The following UPRT variants were observed in gnomAD, a reference collection of about 807,000 sequenced individuals.
UPRT encodes uracil phosphoribosyltransferase homolog, also known as RP11-311P8.3.
In UPRT, 5 loss-of-function variants were observed where a neutral mutation model predicts 22.6. The observed-to-expected ratio is 0.22, with a 90% CI of 0.12 to 0.47. The LOEUF (loss-of-function observed/expected upper bound fraction) is 0.47, where lower values mean the gene tolerates loss of function less well. Among genes scored for constraint, UPRT ranks in the 20% least tolerant of loss-of-function variants. UPRT has a pLI of 0.99. For missense variants in UPRT, 181 were observed against 239.9 expected, an observed-to-expected ratio of 0.75 and a Z score of 1.62; for synonymous variants, 77 against 87.7, an observed-to-expected ratio of 0.88 and a Z score of 0.68.
intron 6 of UPRT, 131 bp downstream of exon 6, chrX:75,301,096 T>A: frequency 2.3e-6 from 1 of 429,374 alleles, no homozygotes; most frequent in Middle Eastern, 4.1e-4. Context: ...ATTTGGGTAA[T>A]TATAACTTGT....
chrX:75,282,203 A>G (rs1363627397), intron 1 of UPRT, among the ~76,000 whole-genome samples: 1 of 99,752 alleles, frequency 1.0e-5, no homozygotes, highest in Non-Finnish European at 2.0e-5. Flanking sequence ...TTATCTTTTC[A>G]AAGAACCAGC....
chrX:75,243,672 T>C lies in UPRT; in HGVS notation c.-446-47352T>C, dbSNP rs747101378. Among the ~76,000 whole-genome samples the C allele has an allele frequency of 4.5e-5, 5 of 111,656 alleles. No individual in the cohort carries two copies. In the South Asian group the frequency reaches 1.9e-3, roughly 41 times the overall value. ...TAGGTAAATGTATGCATAAATGTTT[T>C]CTATGAAAGTGAAAACACAAGGCAC... On this transcript the variant is annotated intron_variant, in intron 4 of 13. Coordinates refer to the UPRT transcript ENST00000652605.
chrX:75,276,451 T>C lies in UPRT; in HGVS notation c.386+1811T>C, dbSNP rs142805851. On this transcript the variant is annotated intron_variant, in intron 1 of 6. Transcript: ENST00000373383. ...AATCAATATTGAAAACTACTGTGGT[T>C]ATGTTATCTAATAGACAAAATAGTG... Among the ~76,000 whole-genome samples, 71 of 111,883 alleles carry C rather than the reference T, an allele frequency of 6.3e-4. No individual in the cohort carries two copies. The East Asian group carries it at 0.018, about 29-fold the overall frequency.
intron 4 of UPRT, among the ~76,000 whole-genome samples, chrX:75,227,128 G>A (rs2082425834): frequency 9.0e-6 from 1 of 111,338 alleles, no homozygotes; most frequent in Non-Finnish European, 1.9e-5. Flanking sequence ...TATTTGATAT[G>A]TAAATCACTT....
intron 4 of UPRT, among the ~76,000 whole-genome samples, chrX:75,219,274 A>G (rs1602458435): frequency 8.9e-6 from 1 of 112,158 alleles, no homozygotes; most frequent in Non-Finnish European, 1.9e-5. Flanking sequence ...TTGAAAGGCA[A>G]GGCTTCATGC....
chrX:75,220,024 C>T (rs1441564207), intron 4 of UPRT, among the ~76,000 whole-genome samples: 1 of 110,690 alleles, frequency 9.0e-6, no homozygotes, highest in Non-Finnish European at 1.9e-5. Context: ...AAGACTCTAA[C>T]GATCATTGTT....
intron 4 of UPRT, among the ~76,000 whole-genome samples, chrX:75,267,906 A>G (rs2082595578): frequency 9.0e-6 from 1 of 111,543 alleles, no homozygotes; most frequent in South Asian, 3.8e-4. Context: ...GAAATAACTA[A>G]GATCAGAGCA....
chrX:75,282,268 G>C (rs769062012), intron 1 of UPRT, among the ~76,000 whole-genome samples: 9 of 108,449 alleles, frequency 8.3e-5, no homozygotes, highest in African/African-American at 3.0e-4. Flanking sequence ...ACTTAGTTCT[G>C]CTCTGATCTT....
At chrX:75,164,301 G>A (rs1229268660) in intron 3 of UPRT, among the ~76,000 whole-genome samples, 1 of 111,828 alleles carries the variant, frequency 8.9e-6, no homozygotes, top group Admixed American at 9.5e-5. Context: ...CAGAAAGAAG[G>A]CCCTTGTCAG....
chrX:75,252,545 G>C (rs1407009171), intron 4 of UPRT, among the ~76,000 whole-genome samples: 1 of 112,157 alleles, frequency 8.9e-6, no homozygotes, highest in Admixed American at 9.4e-5. Flanking sequence ...AGAAAGAACA[G>C]GTGCTGGAGA....
chrX:75,226,668 C>T (rs2082424658), intron 4 of UPRT, among the ~76,000 whole-genome samples: 1 of 110,747 alleles, frequency 9.0e-6, no homozygotes, highest in Non-Finnish European at 1.9e-5. Flanking sequence ...TTCAGTGGGG[C>T]CTATTCTGAC....
At chrX:75,234,984 C>T (rs1427475352) in intron 4 of UPRT, among the ~76,000 whole-genome samples, 3 of 111,349 alleles carry the variant, frequency 2.7e-5, no homozygotes, top group African/African-American at 6.5e-5. Context: ...TTCAAAAAAT[C>T]AATGAATCCA....
In UPRT at chrX:75,172,544, G is replaced by A. The variant is rs143237027; in HGVS notation, c.-447+4665G>A. On this transcript the variant is annotated intron_variant, in intron 4 of 13. Coordinates refer to the UPRT transcript ENST00000652605. ...GAAAGCAAGCAGTGCTTTTGTGTCCGGAATTGGTGGGTTCTTGGTCTCACT... is the reference window on the plus strand; with the variant it reads ...GAAAGCAAGCAGTGCTTTTGTGTCCAGAATTGGTGGGTTCTTGGTCTCACT... Among the ~76,000 whole-genome samples, 234 of 112,079 alleles carry A rather than the reference G, an allele frequency of 2.1e-3. 1 individual carries two copies. Among genetic ancestry groups the A allele is most frequent in the African/African-American group, 7.1e-3 (220 of 30,817 alleles).
In UPRT at chrX:75,249,946, C is replaced by G. The variant is rs983059745; in HGVS notation, c.-446-41078C>G. On this transcript the variant is annotated intron_variant, in intron 4 of 13. Coordinates refer to the UPRT transcript ENST00000652605. ...CAACTACATGGAAACTGAACAACCT[C>G]CTCCTGAATGACTACTGGGTACATA... is the stretch of plus-strand genomic sequence containing the variant. Among the ~76,000 whole-genome samples the G allele has an allele frequency of 4.5e-5, 5 of 111,702 alleles. No individual in the cohort carries two copies. The East Asian group carries it at 8.4e-4, about 19-fold the overall frequency.
intron 4 of UPRT, among the ~76,000 whole-genome samples, chrX:75,177,785 C>A (rs187601855): frequency 1.1e-3 from 121 of 112,068 alleles, no homozygotes; most frequent in Non-Finnish European, 1.7e-3. Flanking sequence ...AAAATTATGT[C>A]TTTCCGATTG....
chrX:75,236,163 C>G (rs1352316870), intron 4 of UPRT, among the ~76,000 whole-genome samples: 1 of 111,237 alleles, frequency 9.0e-6, no homozygotes, highest in African/African-American at 3.3e-5. Context: ...AGCAGAGAAA[C>G]AGAGAGCCAA....
In UPRT at chrX:75,182,304, G is replaced by A. The variant is rs775583894; in HGVS notation, c.-447+14425G>A. Among the ~76,000 whole-genome samples, 8 of 111,856 alleles carry A rather than the reference G, an allele frequency of 7.2e-5. No individual in the cohort carries two copies. In the South Asian group the frequency reaches 3.0e-3, roughly 42 times the overall value. ...TCATTTATATTCATCAGGAATATTG[G>A]TCTGAAGTTTTCTTTTATTTGGTGT... On this transcript the variant is annotated intron_variant, in intron 4 of 13. Coordinates refer to the UPRT transcript ENST00000652605.
In UPRT at chrX:75,304,377, G is replaced by T. The variant is rs764279485; in HGVS notation, c.*866G>T. 4 of 111,198 alleles carry T rather than the reference G, an allele frequency of 3.6e-5. No individual in the cohort carries two copies. The highest frequency in any genetic ancestry group is 7.5e-5 in the Non-Finnish European group (4 of 53,073). The allele number at this position is 111,198 out of a possible 1,213,427, so 9.2% of individuals were successfully genotyped here. ...TTTTAATTTGGATGTTTCTGCTAGA[G>T]ACCTTTGATTTGGAAATTAGTTATT... On this transcript the variant is annotated 3_prime_UTR_variant, in exon 7 of 7. Transcript: ENST00000373383.
intron 4 of UPRT, among the ~76,000 whole-genome samples, chrX:75,203,397 AAATTAAC>A (rs1424343010): frequency 2.7e-5 from 3 of 110,009 alleles, no homozygotes; most frequent in Non-Finnish European, 3.8e-5. Context: ...ATGAGACAGA[AAATTAAC>A]AAGGATATTC....
Sources: gnomAD v4.1 joint callset for allele counts (sites outside exome capture counted in the v4.1 genomes callset) on GRCh38, gnomAD v4.1.1 for gene constraint, MANE v1.5 for transcripts, NCBI Gene and HGNC (gene_info 2026-07-23, HGNC 2026-07-21) for gene names.